TENM3: variants seen among roughly 807,000 people sequenced by gnomAD.
TENM3 encodes teneurin transmembrane protein 3, also known as teneurin-3.
A neutral mutation model predicts 255.1 loss-of-function variants in TENM3; 63 were observed. The observed-to-expected ratio is 0.25, with a 90% CI of 0.20 to 0.30. TENM3 has a LOEUF of 0.30. TENM3 is among the 10% of genes least tolerant of loss of function. The pLI is 1.00. For synonymous variants in TENM3, 1,306 were observed against 1,322.3 expected (o/e 0.99, Z 0.27); for missense variants, 2,929 against 3,461.1 (o/e 0.85, Z 3.86).
intron 4 of TENM3, among the ~76,000 whole-genome samples, chr4:182,621,755 A>AT (rs1750258299): frequency 1.2e-5 from 1 of 86,402 alleles, no homozygotes; most frequent in Non-Finnish European, 2.3e-5. Context: ...ATATATTATA[A>AT]TATATAATAA....
the TENM3 span, among the ~76,000 whole-genome samples, chr4:182,043,842 A>G: frequency 0.025 from 3,801 of 152,224 alleles, 163 homozygotes; most frequent in African/African-American, 0.084. Flanking sequence ...TTCAGGTCTT[A>G]GGCATTTCGC....
At chr4:181,843,048 G>C in the TENM3 span, among the ~76,000 whole-genome samples, 1 of 152,082 alleles carries the variant, frequency 6.6e-6, no homozygotes. Flanking sequence ...AGGTGAACTC[G>C]TTATTATATT....
chr4:182,309,347 A>G (rs1762311254), intron 1 of TENM3, among the ~76,000 whole-genome samples: 3 of 152,202 alleles, frequency 2.0e-5, no homozygotes. Context: ...TAGACAGTGT[A>G]TATGTTTATT....
chr4:182,136,976 C>A, the TENM3 span, among the ~76,000 whole-genome samples: 4 of 123,688 alleles, frequency 3.2e-5, no homozygotes, highest in South Asian at 8.8e-4. Flanking sequence ...CAGTCAGCAT[C>A]CCCCCCCACC....
At chr4:182,217,983 A>G (rs768232194) in intron 1 of TENM3, among the ~76,000 whole-genome samples, 44 of 152,258 alleles carry the variant, frequency 2.9e-4, no homozygotes, top group Non-Finnish European at 5.9e-4. Flanking sequence ...TGAGACAGTC[A>G]TCGGAGTAAC....
intron 3 of TENM3, among the ~76,000 whole-genome samples, chr4:182,470,654 C>T (rs1370157193): frequency 2.0e-5 from 3 of 152,206 alleles, no homozygotes; most frequent in Non-Finnish European, 4.4e-5. Flanking sequence ...TTTTGAGCTC[C>T]TGTAGACACC....
chr4:182,213,479 C>A (rs1226720948), intron 1 of TENM3, among the ~76,000 whole-genome samples: 1 of 152,138 alleles, frequency 6.6e-6, no homozygotes, highest in Non-Finnish European at 1.5e-5. Flanking sequence ...ATTAAGATAG[C>A]CTTTCCATAA....
chr4:181,808,865 G>A, the TENM3 span, among the ~76,000 whole-genome samples: 1 of 152,152 alleles, frequency 6.6e-6, no homozygotes, highest in Non-Finnish European at 1.5e-5. Context: ...ACAGCTACAG[G>A]ACAATACGTC....
chr4:182,228,358 A>ATG (rs141968345), intron 1 of TENM3, among the ~76,000 whole-genome samples: 38,346 of 109,084 alleles, frequency 0.35, 8,496 homozygotes, highest in East Asian at 0.71. Context: ...ATGTAATGTA[A>ATG]TGTGTGTGTG....
At chr4:181,682,912 T>A in the TENM3 span, among the ~76,000 whole-genome samples, 1 of 151,886 alleles carries the variant, frequency 6.6e-6, no homozygotes, top group Non-Finnish European at 1.5e-5. Context: ...AGGGGCGGCT[T>A]GTAACAACTT....
the TENM3 span, among the ~76,000 whole-genome samples, chr4:181,898,888 T>A: frequency 6.6e-6 from 1 of 152,182 alleles, no homozygotes; most frequent in African/African-American, 2.4e-5. Flanking sequence ...TTATTTCGTT[T>A]TTTACTGATT....
intron 3 of TENM3, among the ~76,000 whole-genome samples, chr4:182,543,915 C>T (rs1741155669): frequency 6.6e-6 from 1 of 151,888 alleles, no homozygotes. Flanking sequence ...CAATATAATC[C>T]TTTTGGATTA....
chr4:182,323,465 T>TG (rs1219142315), intron 1 of TENM3, among the ~76,000 whole-genome samples: 2 of 150,596 alleles, frequency 1.3e-5, no homozygotes, highest in Non-Finnish European at 3.0e-5. Context: ...AAAGTTTCAG[T>TG]GGCAAGAATT....
At chr4:182,622,562 T>A (rs1054540381) in intron 4 of TENM3, among the ~76,000 whole-genome samples, 1 of 152,210 alleles carries the variant, frequency 6.6e-6, no homozygotes, top group Admixed American at 6.5e-5. Flanking sequence ...TAGGCTCAGA[T>A]TCAAATCCTA....
intron 1 of TENM3, among the ~76,000 whole-genome samples, chr4:182,217,557 TACCG>T: frequency 6.6e-6 from 1 of 152,274 alleles, no homozygotes; most frequent in Non-Finnish European, 1.5e-5. Context: ...CGAGGTACTT[TACCG>T]GTATTAACTC....
the TENM3 span, among the ~76,000 whole-genome samples, chr4:181,620,618 G>T: frequency 6.6e-6 from 1 of 150,602 alleles, no homozygotes; most frequent in East Asian, 2.0e-4. Flanking sequence ...CTGACATTTG[G>T]CAGGGAAAGC....
the TENM3 span, among the ~76,000 whole-genome samples, chr4:181,671,929 A>G: frequency 0.042 from 6,338 of 152,272 alleles, 176 homozygotes; most frequent in Middle Eastern, 0.068. Context: ...TTGTATCTCA[A>G]GACTGACTAG....
In TENM3 at chr4:182,763,184, AT is replaced by A. The variant is rs1410913446; in HGVS notation, c.4892+7929del. ...GCAAAGGCTGAAAAACTTATAGTGT[AT>A]TTTAAAGTAGTTAATTGATTAAGCA... is the stretch of plus-strand genomic sequence containing the variant. On this transcript the variant is annotated intron_variant, in intron 22 of 27. Transcript: ENST00000511685. Among the ~76,000 whole-genome samples, 2 of 152,240 alleles carry A rather than the reference AT, an allele frequency of 1.3e-5. 1 individual carries two copies. The highest frequency in any genetic ancestry group is 4.8e-5 in the African/African-American group (2 of 41,464).
At chr4:182,122,293 A>T in the TENM3 span, among the ~76,000 whole-genome samples, 1 of 152,228 alleles carries the variant, frequency 6.6e-6, no homozygotes, top group Non-Finnish European at 1.5e-5. Context: ...AATGTTCTTA[A>T]TTGGATCTAG....
Sources: allele counts gnomAD v4.1 joint callset (sites outside exome capture counted in the v4.1 genomes callset), GRCh38; gene constraint gnomAD v4.1.1; transcripts MANE v1.5; gene names NCBI Gene and HGNC (gene_info 2026-07-23, HGNC 2026-07-21).